Variants in DHRSX observed in about 807,000 individuals in gnomAD.
The protein encoded by DHRSX is polyprenol dehydrogenase.
Under a neutral mutation model 34.0 loss-of-function variants are expected in DHRSX, and 31 were observed. The ratio of observed to expected loss-of-function variants is 0.91; its 90% CI spans 0.69 to 1.23. DHRSX has a LOEUF of 1.23. DHRSX is among the 50% of genes most tolerant of loss of function. The pLI, the probability that DHRSX is intolerant of heterozygous loss-of-function variation, is 0.00. For synonymous variants in DHRSX, 201 were observed against 183.8 expected (o/e 1.09, Z -0.76); for missense variants, 414 against 428.1 (o/e 0.97, Z 0.29).
intron 6 of DHRSX, among the ~76,000 whole-genome samples, chrX:2,242,587 T>C (rs900149547): frequency 6.6e-6 from 1 of 151,974 alleles, no homozygotes; most frequent in African/African-American, 2.4e-5. Context: ...ACCTTGCTGA[T>C]ACAACAGCTT....
At chrX:2,492,926 G>A (rs1243325088) in intron 1 of DHRSX, among the ~76,000 whole-genome samples, 1 of 152,280 alleles carries the variant, frequency 6.6e-6, no homozygotes, top group Non-Finnish European at 1.5e-5. Flanking sequence ...AATGAGTGGA[G>A]GTCTTAGAAA....
intron 6 of DHRSX, among the ~76,000 whole-genome samples, chrX:2,232,044 T>TC (rs2015905605): frequency 5.0e-5 from 3 of 60,052 alleles, no homozygotes; most frequent in South Asian, 6.7e-4. Flanking sequence ...CTCCTTTTTC[T>TC]CTTTCTATCC....
chrX:2,257,001 G>A (rs2041288481), intron 5 of DHRSX, among the ~76,000 whole-genome samples: 1 of 152,182 alleles, frequency 6.6e-6, no homozygotes, highest in Non-Finnish European at 1.5e-5. Flanking sequence ...CCAGGCTGGA[G>A]TGCAGTGGTG....
rs138306726 is a variant in DHRSX, at chrX:2,376,943, G to A, written c.286+31802C>T. On this transcript the variant is annotated intron_variant, in intron 3 of 6. Coordinates refer to ENST00000334651, the MANE Select transcript of DHRSX (RefSeq NM_145177.3). ...CGGGAGGCAGAAGTTGCAGTGAGCC[G>A]AGATCACACCACTGCACTCCAGCCT... Among the ~76,000 whole-genome samples the A allele has an allele frequency of 8.8e-3, 1,328 of 151,218 alleles. 33 individuals carry two copies. In the East Asian group the frequency reaches 0.094, roughly 11 times the overall value.
intron 4 of DHRSX, among the ~76,000 whole-genome samples, chrX:2,275,912 C>T (rs749297430): frequency 8.7e-4 from 133 of 152,080 alleles, no homozygotes; most frequent in Non-Finnish European, 1.4e-3. Flanking sequence ...GGCACAATCT[C>T]GGCCCACTGC....
chrX:2,253,478 G>A (rs773316746), intron 5 of DHRSX, among the ~76,000 whole-genome samples: 79 of 152,098 alleles, frequency 5.2e-4, no homozygotes, highest in Middle Eastern at 3.4e-3. Flanking sequence ...ATGGCAGTGA[G>A]CCAAGATGGC....
At chrX:2,424,452 A>C (rs2043817685) in intron 2 of DHRSX, among the ~76,000 whole-genome samples, 1 of 152,008 alleles carries the variant, frequency 6.6e-6, no homozygotes, top group Non-Finnish European at 1.5e-5. Flanking sequence ...CCTTACTCAC[A>C]CTGTGATATT....
chrX:2,348,860 A>G (rs1346981796), intron 3 of DHRSX, among the ~76,000 whole-genome samples: 1 of 151,740 alleles, frequency 6.6e-6, no homozygotes, highest in South Asian at 2.1e-4. Context: ...CACTCAGCTA[A>G]TTTTTGTATT....
At chrX:2,494,309 G>C (rs2064449725) in intron 1 of DHRSX, among the ~76,000 whole-genome samples, 1 of 151,676 alleles carries the variant, frequency 6.6e-6, no homozygotes, top group South Asian at 2.1e-4. Flanking sequence ...CTCGACACCT[G>C]GAACAAAAAT....
intron 3 of DHRSX, among the ~76,000 whole-genome samples, chrX:2,327,658 A>G (rs1209978568): frequency 2.0e-5 from 3 of 152,172 alleles, no homozygotes; most frequent in Non-Finnish European, 2.9e-5. Context: ...CCAAATCCCT[A>G]TGTTAAAGCC....
At chrX:2,470,319 T>C (rs2044569646) in intron 1 of DHRSX, among the ~76,000 whole-genome samples, 1 of 151,112 alleles carries the variant, frequency 6.6e-6, no homozygotes, top group Non-Finnish European at 1.5e-5. Flanking sequence ...CACTGTGCTA[T>C]GGAAGGCTGA....
At position 2,346,375 on chromosome X, in the gene DHRSX, G is replaced by A. The variant is rs138201610; in HGVS notation, c.287-54772C>T. Among the ~76,000 whole-genome samples the A allele has an allele frequency of 2.6e-3, 392 of 152,068 alleles. 1 individual carries two copies. Among genetic ancestry groups the A allele is most frequent in the Middle Eastern group, 0.01 (3 of 294 alleles). ...AATATTGCCGAGTGTGGTTTTTCTC[G>A]TCTCTGTTTTCACAGTCCAGGCTGG... On this transcript the variant is annotated intron_variant, in intron 3 of 6. Transcript: ENST00000334651.
intron 1 of DHRSX, among the ~76,000 whole-genome samples, chrX:2,468,183 C>T (rs2044526718): frequency 6.6e-6 from 1 of 152,112 alleles, no homozygotes; most frequent in South Asian, 2.1e-4. Flanking sequence ...TTCTGAACCT[C>T]TGATCTGGGT....
intron 3 of DHRSX, among the ~76,000 whole-genome samples, chrX:2,371,420 CT>C (rs2043064202): frequency 2.6e-5 from 4 of 151,390 alleles, no homozygotes; most frequent in African/African-American, 9.7e-5. Flanking sequence ...ATAGTCCCTC[CT>C]TCTGTTACCA....
intron 3 of DHRSX, among the ~76,000 whole-genome samples, chrX:2,382,636 TCAC>T (rs2043218916): frequency 3.8e-5 from 1 of 26,226 alleles, no homozygotes; most frequent in East Asian, 8.6e-4. Flanking sequence ...ATCACCATCA[TCAC>T]CATCACCATC....
At chrX:2,226,883 G>T (rs1297762795) in intron 6 of DHRSX, among the ~76,000 whole-genome samples, 1 of 152,086 alleles carries the variant, frequency 6.6e-6, no homozygotes, top group Admixed American at 6.6e-5. Flanking sequence ...GACAGGTAGG[G>T]AAAACAGCAA....
chrX:2,493,109 A>G (rs2045198136), intron 1 of DHRSX, among the ~76,000 whole-genome samples: 1 of 152,200 alleles, frequency 6.6e-6, no homozygotes, highest in Non-Finnish European at 1.5e-5. Context: ...CCTGTGGCCA[A>G]TGCCAGCACC....
intron 1 of DHRSX, among the ~76,000 whole-genome samples, chrX:2,462,513 C>A (rs1007656925): frequency 7.0e-5 from 10 of 143,410 alleles, no homozygotes; most frequent in Admixed American, 7.0e-4. Flanking sequence ...GCAGCCTGGG[C>A]AACAAGAGCA....
intron 6 of DHRSX, among the ~76,000 whole-genome samples, chrX:2,241,179 T>C (rs1006888244): frequency 2.0e-5 from 3 of 152,048 alleles, no homozygotes; most frequent in African/African-American, 7.2e-5. Flanking sequence ...CTAGACTCCA[T>C]CTCAAACAAA....
Sources: gnomAD v4.1 joint callset for allele counts (sites outside exome capture counted in the v4.1 genomes callset) on GRCh38, gnomAD v4.1.1 for gene constraint, MANE v1.5 for transcripts, NCBI Gene and HGNC (gene_info 2026-07-23, HGNC 2026-07-21) for gene names.